The following SGCD variants were observed in gnomAD, a reference collection of about 807,000 sequenced individuals.
The protein encoded by SGCD is delta-sarcoglycan.
In SGCD, 18 loss-of-function variants were observed where a neutral mutation model predicts 36.6. That is an observed-to-expected ratio of 0.49 (90% CI 0.34 to 0.73). The LOEUF is 0.73. Ranked by LOEUF, SGCD falls within the 30% of genes least tolerant of loss-of-function variation. SGCD has a pLI of 0.01. For synonymous variants in SGCD, 133 were observed against 130.6 expected, an observed-to-expected ratio of 1.02 and a Z score of -0.12; for missense variants, 387 against 346.7, an observed-to-expected ratio of 1.12 and a Z score of -0.92.
the SGCD span, among the ~76,000 whole-genome samples, chr5:155,821,384 G>A: frequency 2.0e-5 from 3 of 151,808 alleles, no homozygotes; most frequent in Non-Finnish European, 2.9e-5. Context: ...CCCAATCTCC[G>A]CTCACTGCAA....
intron 4 of SGCD, among the ~76,000 whole-genome samples, chr5:156,558,576 A>T (rs1759140318): frequency 1.3e-5 from 2 of 152,172 alleles, no homozygotes; most frequent in Admixed American, 1.3e-4. Context: ...AGAAAGATGG[A>T]TCAGATGTTA....
chr5:155,906,893 A>G (rs537607964), intron 1 of SGCD, among the ~76,000 whole-genome samples: 18 of 144,508 alleles, frequency 1.2e-4, no homozygotes, highest in African/African-American at 4.4e-4. Context: ...GCAGCAACAG[A>G]TTTTCAATGC....
intron 3 of SGCD, among the ~76,000 whole-genome samples, chr5:156,413,303 A>G (rs1197995469): frequency 6.6e-6 from 1 of 152,164 alleles, no homozygotes; most frequent in Non-Finnish European, 1.5e-5. Context: ...TTATGCTGAG[A>G]TGCACGAGAT....
At chr5:155,872,385 A>ACACACT (rs1554101404) in intron 1 of SGCD, among the ~76,000 whole-genome samples, 2 of 147,424 alleles carry the variant, frequency 1.4e-5, no homozygotes, top group African/African-American at 5.0e-5. Flanking sequence ...ACACACACAC[A>ACACACT]CTCTCATGGA....
intron 3 of SGCD, among the ~76,000 whole-genome samples, chr5:156,298,240 T>C (rs1766950738): frequency 6.6e-6 from 1 of 152,180 alleles, no homozygotes; most frequent in Admixed American, 6.6e-5. Context: ...CTGAAGTGTC[T>C]CTTTAAAATA....
chr5:156,318,521 T>A (rs146864127), intron 3 of SGCD, among the ~76,000 whole-genome samples: 517 of 152,240 alleles, frequency 3.4e-3, no homozygotes, highest in African/African-American at 0.012. Context: ...AAGACTCCTT[T>A]ATTCAGTGCT....
At chr5:156,485,231 G>A (rs1755605584) in intron 3 of SGCD, among the ~76,000 whole-genome samples, 1 of 152,094 alleles carries the variant, frequency 6.6e-6, no homozygotes, top group Non-Finnish European at 1.5e-5. Flanking sequence ...GTATAAGGGA[G>A]GCTTCCTGCT....
chr5:156,418,997 A>G (rs1304328089), intron 3 of SGCD, among the ~76,000 whole-genome samples: 1 of 152,154 alleles, frequency 6.6e-6, no homozygotes, highest in East Asian at 1.9e-4. Context: ...AGTAACTTGT[A>G]TGTTTCAGAA....
intron 3 of SGCD, among the ~76,000 whole-genome samples, chr5:156,506,797 A>C (rs1756720478): frequency 6.6e-6 from 1 of 152,222 alleles, no homozygotes; most frequent in African/African-American, 2.4e-5. Context: ...TTTAAAGATC[A>C]ACAATAAAGG....
chr5:156,497,525 CAGATG>C (rs1468502701), intron 3 of SGCD, among the ~76,000 whole-genome samples: 2 of 152,044 alleles, frequency 1.3e-5, no homozygotes, highest in East Asian at 3.9e-4. Context: ...TTTTATAAAA[CAGATG>C]AGAAATTACA....
intron 3 of SGCD, among the ~76,000 whole-genome samples, chr5:156,501,108 C>A (rs1404039245): frequency 6.6e-6 from 1 of 152,158 alleles, no homozygotes; most frequent in African/African-American, 2.4e-5. Flanking sequence ...AAGCCTTAAC[C>A]CCTCCTCGGG....
intron 6 of SGCD, among the ~76,000 whole-genome samples, chr5:156,636,600 C>T (rs1294206850): frequency 6.6e-6 from 1 of 152,086 alleles, no homozygotes; most frequent in Non-Finnish European, 1.5e-5. Flanking sequence ...GGCATTTGAC[C>T]TGGGCCTTAT....
chr5:156,148,832 C>G (rs1322723426), intron 3 of SGCD, among the ~76,000 whole-genome samples: 1 of 152,118 alleles, frequency 6.6e-6, no homozygotes, highest in African/African-American at 2.4e-5. Flanking sequence ...TCTTTAGGGT[C>G]CGGGGTCTGG....
chr5:156,040,830 C>T (rs1759615653), intron 1 of SGCD, among the ~76,000 whole-genome samples: 1 of 152,120 alleles, frequency 6.6e-6, no homozygotes, highest in African/African-American at 2.4e-5. Context: ...AAATCCTCTA[C>T]TGAATCTAGT....
At chr5:155,811,393 T>C in the SGCD span, among the ~76,000 whole-genome samples, 195 of 152,296 alleles carry the variant, frequency 1.3e-3, no homozygotes, top group Non-Finnish European at 2.2e-3. Flanking sequence ...ACCTGGATTC[T>C]TATGAAGAGA....
chr5:156,653,023 G>T (rs573077844), intron 7 of SGCD, among the ~76,000 whole-genome samples: 2 of 152,114 alleles, frequency 1.3e-5, no homozygotes, highest in East Asian at 1.9e-4. Flanking sequence ...ATTTTTGCAT[G>T]TGTGTTCATC....
the SGCD span, among the ~76,000 whole-genome samples, chr5:155,729,146 C>T: frequency 6.6e-6 from 1 of 152,250 alleles, no homozygotes; most frequent in African/African-American, 2.4e-5. Flanking sequence ...GCGGGGGTTT[C>T]CCCAGTTCCC....
At chr5:156,468,359 A>G (rs1293286520) in intron 3 of SGCD, among the ~76,000 whole-genome samples, 1 of 151,320 alleles carries the variant, frequency 6.6e-6, no homozygotes, top group Non-Finnish European at 1.5e-5. Context: ...AAAAAAAAAA[A>G]AAAGATTATA....
intron 1 of SGCD, among the ~76,000 whole-genome samples, chr5:156,031,679 G>T (rs1263429113): frequency 6.6e-6 from 1 of 152,196 alleles, no homozygotes. Flanking sequence ...TTTATCAAGT[G>T]TATGATGTAT....
Sources: gnomAD v4.1 joint callset for allele counts (sites outside exome capture counted in the v4.1 genomes callset) on GRCh38, gnomAD v4.1.1 for gene constraint, MANE v1.5 for transcripts, NCBI Gene and HGNC (gene_info 2026-07-23, HGNC 2026-07-21) for gene names.